ISM1: variants seen among roughly 807,000 people sequenced by gnomAD.
ISM1 encodes the protein isthmin-1.
A neutral mutation model predicts 46.3 loss-of-function variants in ISM1; 25 were observed. That is an observed-to-expected ratio of 0.54 (90% CI 0.39 to 0.75). ISM1 has a LOEUF of 0.75. Ranked by LOEUF, ISM1 falls within the 30% of genes least tolerant of loss-of-function variation. The pLI is 0.00. For synonymous variants in ISM1, 255 were observed against 256.7 expected (o/e 0.99, Z 0.06); for missense variants, 536 against 625.4 (o/e 0.86, Z 1.52).
Position 13,221,844 on chromosome 20 carries a change from T to G in ISM1, c.68T>G (p.Val23Gly). 8 of 1,443,814 alleles carry G rather than the reference T, an allele frequency of 5.5e-6. No individual in the cohort carries two copies. Among genetic ancestry groups the G allele is most frequent in the Non-Finnish European group, 7.2e-6 (8 of 1,103,582 alleles). 89.4% of individuals were successfully genotyped at this position (1,443,814 alleles called of 1,614,324 possible). A position where few individuals can be genotyped will look rare whatever the true frequency, so the allele number is the denominator to read the frequency against. ...GLLLLTLHIT[V>G]LRGSGAADGP... ...CTGCTGCTCACGCTGCACATCACCGTGCTGCGCGGCTCGGGAGCCGCCGAC... is the reference window on the plus strand; with the variant it reads ...CTGCTGCTCACGCTGCACATCACCGGGCTGCGCGGCTCGGGAGCCGCCGAC... The change falls in exon 1 of 6, where the codon GTG (valine) becomes GGG (glycine). Residue 23 changes from valine (V) to glycine (G), a missense_variant. Physicochemically the swap from Val to Gly is moderately radical, Grantham distance 109. Transcript: ENST00000262487.
At chr20:13,323,323 C>T in the ISM1 span, among the ~76,000 whole-genome samples, 1 of 152,140 alleles carries the variant, frequency 6.6e-6, no homozygotes, top group South Asian at 2.1e-4. Flanking sequence ...TTACTGGAAA[C>T]ACAATGACTC....
chr20:13,257,657 C>G (rs1217570396), intron 1 of ISM1, among the ~76,000 whole-genome samples: 3 of 151,928 alleles, frequency 2.0e-5, no homozygotes, highest in Admixed American at 6.6e-5. Flanking sequence ...AGTCATTACA[C>G]TGCACAAGTA....
intron 1 of ISM1, among the ~76,000 whole-genome samples, chr20:13,222,170 G>A (rs904058383): frequency 6.6e-6 from 1 of 152,180 alleles, no homozygotes; most frequent in South Asian, 2.1e-4. Flanking sequence ...TCAGGTGCGG[G>A]GTTGGTGGGG....
At chr20:13,280,397 C>G (rs1423650700) in intron 3 of ISM1, among the ~76,000 whole-genome samples, 10 of 148,696 alleles carry the variant, frequency 6.7e-5, no homozygotes, top group Non-Finnish European at 7.5e-5. Context: ...AGTAACCCCC[C>G]CCCCCCAATA....
intron 5 of ISM1, among the ~76,000 whole-genome samples, chr20:13,293,285 A>G (rs1021082735): frequency 1.3e-5 from 2 of 152,210 alleles, no homozygotes; most frequent in Admixed American, 6.5e-5. Context: ...TGGTAGAGCA[A>G]ATGCAATAAA....
Position 13,279,914 on chromosome 20 carries a change from A to G in ISM1, c.643+16A>G. The G allele has an allele frequency of 6.2e-7, 1 of 1,607,770 alleles. No individual in the cohort carries two copies. The highest frequency in any genetic ancestry group is 8.5e-7 in the Non-Finnish European group (1 of 1,175,536). On this transcript the variant is annotated intron_variant, in intron 3 of 5. Transcript: ENST00000262487. ...CCAGAATATGGTGAGTTTACCACCT[A>G]GTAATATAAAATTGGTGGGAAGAAT...
chr20:13,258,083 G>GTATTATAGC (rs1163628335), intron 1 of ISM1, among the ~76,000 whole-genome samples: 11 of 152,120 alleles, frequency 7.2e-5, no homozygotes, highest in East Asian at 1.9e-4. Context: ...GGAACGGGTG[G>GTATTATAGC]TATTATAGCT....
chr20:13,306,564 CAAAAAAAAAAAA>C, the ISM1 span, among the ~76,000 whole-genome samples: 3 of 63,912 alleles, frequency 4.7e-5, no homozygotes, highest in African/African-American at 2.2e-4. Flanking sequence ...GGAGAAAGGA[CAAAAAAAAAAAA>C]AAAAAAAAAA....
downstream of ISM1, among the ~76,000 whole-genome samples, chr20:13,302,419 G>C (rs1442011208): frequency 1.2e-4 from 18 of 152,106 alleles, no homozygotes; most frequent in Non-Finnish European, 2.1e-4. Flanking sequence ...TGCTTTAGTG[G>C]GCCAATGAGT....
intron 5 of ISM1, among the ~76,000 whole-genome samples, chr20:13,293,690 T>C (rs544124332): frequency 3.9e-5 from 6 of 152,034 alleles, no homozygotes; most frequent in African/African-American, 1.4e-4. Flanking sequence ...GAAAAGAAAA[T>C]GGTCTGGGCA....
chr20:13,222,947 C>T (rs1397642543), intron 1 of ISM1, among the ~76,000 whole-genome samples: 1 of 152,050 alleles, frequency 6.6e-6, no homozygotes, highest in Non-Finnish European at 1.5e-5. Flanking sequence ...TGGATCACCT[C>T]AGGCCAGGTG....
chr20:13,280,077 CTGGAAAGACT>C (rs2040222120), intron 3 of ISM1, among the ~76,000 whole-genome samples, 179 bp downstream of exon 3: 1 of 152,178 alleles, frequency 6.6e-6, no homozygotes, highest in Non-Finnish European at 1.5e-5. Context: ...CCACATTTTT[CTGGAAAGACT>C]ATAATTTTAA....
At chr20:13,307,792 A>G in the ISM1 span, among the ~76,000 whole-genome samples, 1 of 152,212 alleles carries the variant, frequency 6.6e-6, no homozygotes, top group African/African-American at 2.4e-5. Context: ...TCACATTTCC[A>G]ATGTGTGAAT....
chr20:13,289,395 C>T (rs746334766), intron 4 of ISM1, among the ~76,000 whole-genome samples: 39 of 152,320 alleles, frequency 2.6e-4, no homozygotes, highest in African/African-American at 4.3e-4. Context: ...CTCCCAGGAG[C>T]GCAACCTGGG....
At chr20:13,300,655 C>T (rs887657713), downstream of ISM1, 2 of 152,282 alleles carry the variant, frequency 1.3e-5, 1 homozygote, top group South Asian at 4.1e-4. Context: ...AAAGGTGTTA[C>T]CTGCATCCTT....
chr20:13,264,156 G>T (rs1289218532), intron 1 of ISM1, among the ~76,000 whole-genome samples: 1 of 152,186 alleles, frequency 6.6e-6, no homozygotes, highest in Non-Finnish European at 1.5e-5. Context: ...GAGGGAGTTT[G>T]GAGACTGAAG....
chr20:13,238,721 G>A (rs1366199915), intron 1 of ISM1, among the ~76,000 whole-genome samples: 5 of 152,168 alleles, frequency 3.3e-5, no homozygotes, highest in African/African-American at 4.8e-5. Context: ...CCAGGTGGTG[G>A]AGAAAGTCAC....
chr20:13,309,514 G>T, the ISM1 span, among the ~76,000 whole-genome samples: 1 of 152,082 alleles, frequency 6.6e-6, no homozygotes, highest in Non-Finnish European at 1.5e-5. Context: ...TCAGTGAAAA[G>T]CTTTTCCTCC....
At chr20:13,232,681 T>C (rs1361640510) in intron 1 of ISM1, among the ~76,000 whole-genome samples, 1 of 152,226 alleles carries the variant, frequency 6.6e-6, no homozygotes, top group Non-Finnish European at 1.5e-5. Flanking sequence ...CAGTTGTATG[T>C]TTAGCTTATT....
Sources: allele counts gnomAD v4.1 joint callset (sites outside exome capture counted in the v4.1 genomes callset), GRCh38; gene constraint gnomAD v4.1.1; transcripts MANE v1.5; gene names NCBI Gene and HGNC (gene_info 2026-07-23, HGNC 2026-07-21).